Variants in RELL1 observed in about 807,000 individuals in gnomAD.
The protein encoded by RELL1 is RELT-like protein 1.
RELL1 carries 10 observed loss-of-function variants against 23.0 expected under a neutral mutation model. The ratio of observed to expected loss-of-function variants is 0.43; its 90% confidence interval spans 0.27 to 0.74. RELL1 has a LOEUF of 0.74. RELL1 is among the 30% of genes least tolerant of loss of function. The pLI is 0.19. For synonymous variants in RELL1, 146 were observed against 146.8 expected, an observed-to-expected ratio of 0.99 and a Z score of 0.04; for missense variants, 315 against 364.4, an observed-to-expected ratio of 0.86 and a Z score of 1.10.
intron 6 of RELL1, among the ~76,000 whole-genome samples, chr4:37,604,932 C>CACAG (rs150949963): frequency 3.4e-5 from 1 of 29,666 alleles, no homozygotes; most frequent in East Asian, 1.8e-3. Flanking sequence ...CACACACACA[C>CACAG]AGACACACAC....
downstream of RELL1, among the ~76,000 whole-genome samples, chr4:37,609,640 G>A (rs750797154): frequency 3.9e-5 from 6 of 152,084 alleles, no homozygotes; most frequent in Non-Finnish European, 7.4e-5. Flanking sequence ...ATTCACAGGA[G>A]GTAAAAATAG....
rs148055147 is a variant in RELL1, at chr4:37,679,884, G to A, written c.88+6316C>T. Among the ~76,000 whole-genome samples the A allele has an allele frequency of 5.7e-3, 868 of 151,260 alleles. 8 individuals carry two copies. The highest frequency in any genetic ancestry group is 0.02 in the African/African-American group (830 of 41,092). ...GGAGAATCTCTTGAACCCGGGAGGC[G>A]GAGCTTGCAGTGACCCGAGATCACA... On this transcript the variant is annotated intron_variant, in intron 1 of 6. Transcript: ENST00000454158.
At chr4:37,597,708 G>A (rs533131282) in intron 6 of RELL1, among the ~76,000 whole-genome samples, 19 of 152,152 alleles carry the variant, frequency 1.2e-4, no homozygotes, top group Non-Finnish European at 2.2e-4. Flanking sequence ...CATGGCATCA[G>A]CCATAAGCCG....
intron 5 of RELL1, among the ~76,000 whole-genome samples, chr4:37,633,183 T>C (rs4832926): frequency 0.99 from 151,242 of 152,200 alleles, 75,150 homozygotes; most frequent in Middle Eastern, 1. Context: ...CCAAGACAGG[T>C]GGATCACTTG....
chr4:37,621,745 T>C (rs1461654430), intron 6 of RELL1, among the ~76,000 whole-genome samples: 1 of 152,026 alleles, frequency 6.6e-6, no homozygotes, highest in Non-Finnish European at 1.5e-5. Flanking sequence ...TGGTCAACAA[T>C]AGGAAGGGGC....
chr4:37,649,601 G>C, intron 1 of RELL1, 101 bp from the exon 2 acceptor site: 1 of 1,026,130 alleles, frequency 9.7e-7, no homozygotes, highest in Non-Finnish European at 1.4e-6. Flanking sequence ...GTCTGCTCCC[G>C]AAACCACAGG....
Position 37,686,227 on chromosome 4 carries a change from C to G in RELL1, c.61G>C (p.Ala21Pro), listed in dbSNP as rs369196320. The change falls in exon 1 of 7, where the codon GCC (alanine) becomes CCC (proline). Residue 21 changes from alanine (A) to proline (P), a missense_variant. Coordinates refer to ENST00000454158, the MANE Select transcript of RELL1 (RefSeq NM_001085400.2). ...GGAGCCACCAGCGGCGAACTCACGG[C>G]GCCTCCCACGAAGACAGCAGCGGCT... ...VLAAAVFVGG[A>P]VSSPLVAPDN... The G allele has an allele frequency of 8.7e-5, 137 of 1,580,734 alleles. No individual in the cohort carries two copies. In the African/African-American group the frequency reaches 1.3e-3, roughly 15 times the overall value.
chr4:37,650,459 T>C (rs975709157), intron 1 of RELL1, among the ~76,000 whole-genome samples: 2 of 152,148 alleles, frequency 1.3e-5, no homozygotes, highest in African/African-American at 4.8e-5. Flanking sequence ...ATCTTGAGGC[T>C]CGTATATGAT....
chr4:37,590,574 C>T, downstream of RELL1: 2 of 1,614,158 alleles, frequency 1.2e-6, no homozygotes, highest in African/African-American at 1.3e-5. Context: ...AAAGTTTTGC[C>T]TTGGAAGTAC....
At chr4:37,684,182 C>G (rs1487480715) in intron 1 of RELL1, among the ~76,000 whole-genome samples, 1 of 152,198 alleles carries the variant, frequency 6.6e-6, no homozygotes, top group East Asian at 1.9e-4. Context: ...CCCTCTACTT[C>G]CCTATGCTCA....
Position 37,638,444 on chromosome 4 carries a change from C to T in RELL1, c.443+3G>A. On this transcript the variant is annotated splice_donor_region_variant and intron_variant, in intron 4 of 6. Transcript: ENST00000454158. ...CACTAAGAAAGAGGGGAGGAGCACT[C>T]ACCTTTCAGGATCATACAGGCTGTT... 6.2e-7 allele frequency: 1 copy of T among 1,610,486 alleles called. No homozygotes were observed. The highest frequency in any genetic ancestry group is 8.5e-7 in the Non-Finnish European group (1 of 1,177,438).
At chr4:37,609,035 G>T (rs1719302264), downstream of RELL1, among the ~76,000 whole-genome samples, 1 of 152,190 alleles carries the variant, frequency 6.6e-6, no homozygotes, top group Admixed American at 6.5e-5. Flanking sequence ...AGAAAATCTA[G>T]GTAAGATCAT....
chr4:37,647,482 A>G, intron 2 of RELL1, 43 bp from the exon 3 acceptor site: 2 of 1,357,212 alleles, frequency 1.5e-6, no homozygotes, highest in Non-Finnish European at 2.1e-6. Flanking sequence ...ACAATTGGTC[A>G]CCAGCATCAA....
At chr4:37,588,720 A>G (rs559003397), downstream of RELL1, 1 of 663,968 alleles carries the variant, frequency 1.5e-6, no homozygotes, top group African/African-American at 1.8e-5. Flanking sequence ...CGTGGTAGTT[A>G]TCCTTTTGCC....
chr4:37,669,897 A>C (rs6828692), intron 1 of RELL1, among the ~76,000 whole-genome samples: 54,609 of 150,570 alleles, frequency 0.36, 11,662 homozygotes, highest in African/African-American at 0.61. Flanking sequence ...GACACAAACA[A>C]TGCGGAAGGC....
At position 37,590,917 on chromosome 4, in the gene RELL1, G is replaced by C. The variant is rs778505316; in HGVS notation, c.*304C>G. 12 of 1,614,262 alleles carry C rather than the reference G, an allele frequency of 7.4e-6. No individual in the cohort carries two copies. The Admixed American group carries it at 2.0e-4, about 27-fold the overall frequency. On this transcript the variant is annotated 3_prime_UTR_variant, in exon 7 of 7. Coordinates refer to the RELL1 transcript ENST00000314117. ...CGATGGAGATGGGGATGGGGAGATT[G>C]TGGACGAGGATGCAGCGGTGGCGGA...
intron 4 of RELL1, among the ~76,000 whole-genome samples, chr4:37,636,205 C>T (rs2109265300): frequency 6.6e-6 from 1 of 152,252 alleles, no homozygotes; most frequent in East Asian, 1.9e-4. Context: ...AGAAACCATG[C>T]AATTAATCAC....
At chr4:37,632,012 G>A (rs1416403702) in intron 5 of RELL1, among the ~76,000 whole-genome samples, 1 of 144,284 alleles carries the variant, frequency 6.9e-6, no homozygotes, top group Admixed American at 6.9e-5. Context: ...CCAGGAGCTG[G>A]AGGTTGCAGT....
chr4:37,662,397 T>C (rs948662822), intron 1 of RELL1, among the ~76,000 whole-genome samples: 24 of 151,926 alleles, frequency 1.6e-4, no homozygotes, highest in African/African-American at 5.3e-4. Flanking sequence ...ACAAAGATGA[T>C]CCAGAAAGAA....
Sources: allele counts gnomAD v4.1 joint callset (sites outside exome capture counted in the v4.1 genomes callset), GRCh38; gene constraint gnomAD v4.1.1; transcripts MANE v1.5; gene names NCBI Gene and HGNC (gene_info 2026-07-23, HGNC 2026-07-21).